The following CAST variants were observed in gnomAD, a reference collection of about 807,000 sequenced individuals.
CAST encodes the protein calpastatin, also known as MIR583 host.
In CAST, 76 loss-of-function variants were observed where a neutral mutation model predicts 119.6. The ratio of observed to expected loss-of-function variants is 0.64; its 90% CI spans 0.53 to 0.77. The LOEUF (loss-of-function observed/expected upper bound fraction) is 0.77, where lower values mean the gene tolerates loss of function less well. Ranked by LOEUF, CAST falls within the 30% of genes least tolerant of loss-of-function variation. The probability of loss-of-function intolerance (pLI) is 0.00; values close to 1 mark genes in which losing one functional copy is unlikely to be tolerated. For missense variants in CAST, 953 were observed against 946.5 expected, an observed-to-expected ratio of 1.01 and a Z score of -0.09; for synonymous variants, 319 against 331.6, an observed-to-expected ratio of 0.96 and a Z score of 0.41.
At chr5:96,014,652 G>A in the CAST span, among the ~76,000 whole-genome samples, 1 of 152,024 alleles carries the variant, frequency 6.6e-6, no homozygotes, top group African/African-American at 2.4e-5. Context: ...ATAATCTTAT[G>A]GGACACTCTC....
intron 1 of CAST, among the ~76,000 whole-genome samples, chr5:96,544,195 T>C (rs1745963870): frequency 6.6e-6 from 1 of 152,232 alleles, no homozygotes; most frequent in Non-Finnish European, 1.5e-5. Context: ...TCCATGAACA[T>C]GGACTATCTC....
At chr5:96,209,778 G>A in the CAST span, among the ~76,000 whole-genome samples, 1 of 150,610 alleles carries the variant, frequency 6.6e-6, no homozygotes, top group Non-Finnish European at 1.5e-5. Flanking sequence ...TTTTATGTCA[G>A]TCTTGGAAAA....
the CAST span, among the ~76,000 whole-genome samples, chr5:96,082,102 C>T: frequency 1.3e-5 from 2 of 152,198 alleles, no homozygotes; most frequent in East Asian, 1.9e-4. Flanking sequence ...TTAGTAGAGA[C>T]GGGGTTTCAC....
intron 27 of CAST, among the ~76,000 whole-genome samples, chr5:96,766,614 A>G (rs913082585): frequency 8.5e-5 from 13 of 152,198 alleles, no homozygotes; most frequent in Admixed American, 8.5e-4. Flanking sequence ...GAAGACAGGC[A>G]AAGCAATATT....
chr5:96,172,355 C>A, the CAST span, among the ~76,000 whole-genome samples: 1 of 152,164 alleles, frequency 6.6e-6, no homozygotes, highest in African/African-American at 2.4e-5. Flanking sequence ...TTACTTCAGC[C>A]ATCTGGATGT....
At chr5:96,670,414 T>TA (rs1465711054) in intron 1 of CAST, among the ~76,000 whole-genome samples, 1 of 152,250 alleles carries the variant, frequency 6.6e-6, no homozygotes, top group East Asian at 1.9e-4. Context: ...TAGCATTTCA[T>TA]ACTCTTTTCA....
the CAST span, among the ~76,000 whole-genome samples, chr5:96,187,202 G>A: frequency 2.6e-5 from 4 of 151,772 alleles, no homozygotes; most frequent in South Asian, 2.1e-4. Flanking sequence ...GATATCCCCC[G>A]TATCATTTTT....
intron 1 of CAST, among the ~76,000 whole-genome samples, chr5:96,651,417 C>A (rs1748093365): frequency 6.6e-6 from 1 of 152,184 alleles, no homozygotes; most frequent in South Asian, 2.1e-4. Context: ...TTGGTTGTAT[C>A]TTCTCTGCTT....
the CAST span, among the ~76,000 whole-genome samples, chr5:96,001,541 A>G: frequency 1.3e-5 from 2 of 152,226 alleles, no homozygotes; most frequent in Non-Finnish European, 2.9e-5. Context: ...CCTAAGAGAA[A>G]TAAAAGAGAA....
chr5:96,240,250 A>G, the CAST span, among the ~76,000 whole-genome samples: 1 of 152,188 alleles, frequency 6.6e-6, no homozygotes, highest in Non-Finnish European at 1.5e-5. Flanking sequence ...GCTTTCTGCT[A>G]TTAAGCTTTA....
chr5:95,980,374 G>C, the CAST span: 1 of 152,106 alleles, frequency 6.6e-6, no homozygotes, highest in Admixed American at 6.5e-5. Flanking sequence ...CCATCTTCTA[G>C]TGAATGCTGC....
At chr5:96,094,971 G>T in the CAST span, among the ~76,000 whole-genome samples, 2 of 152,078 alleles carry the variant, frequency 1.3e-5, no homozygotes, top group Non-Finnish European at 2.9e-5. Flanking sequence ...TTCTTACAAT[G>T]GCCTGCTTGC....
At chr5:96,042,973 A>C in the CAST span, among the ~76,000 whole-genome samples, 5 of 152,194 alleles carry the variant, frequency 3.3e-5, no homozygotes, top group Non-Finnish European at 1.5e-5. Flanking sequence ...AATAAACCAG[A>C]AGCCCATGGA....
At chr5:96,529,264 T>C (rs116192855), upstream of CAST, among the ~76,000 whole-genome samples, 1,544 of 152,238 alleles carry the variant, frequency 0.01, 11 homozygotes, top group Middle Eastern at 0.021. Flanking sequence ...GTTGGAGCTA[T>C]AAGCCTATAG....
chr5:95,982,839 C>G, the CAST span, among the ~76,000 whole-genome samples: 1 of 152,112 alleles, frequency 6.6e-6, no homozygotes, highest in Non-Finnish European at 1.5e-5. Context: ...AGTAGGATTA[C>G]TTTTTAAGTT....
chr5:96,565,077 GGTGTGT>G (rs61240765), intron 1 of CAST, among the ~76,000 whole-genome samples: 103 of 148,746 alleles, frequency 6.9e-4, no homozygotes, highest in Non-Finnish European at 1.4e-3. Context: ...ACATGGGAAA[GGTGTGT>G]GTGTGTGTGT....
the CAST span, among the ~76,000 whole-genome samples, chr5:96,142,537 T>G: frequency 2.2e-4 from 33 of 152,196 alleles, no homozygotes; most frequent in East Asian, 6.0e-3. Context: ...CTGGGCAGAG[T>G]GTGGAAATTT....
chr5:96,555,806 A>C (rs747860362), intron 1 of CAST, among the ~76,000 whole-genome samples: 2 of 152,246 alleles, frequency 1.3e-5, no homozygotes, highest in Non-Finnish European at 2.9e-5. Flanking sequence ...GGGGCAGGGC[A>C]TAGCCAAACA....
At chr5:96,137,813 A>G in the CAST span, among the ~76,000 whole-genome samples, 10 of 152,138 alleles carry the variant, frequency 6.6e-5, no homozygotes, top group African/African-American at 2.4e-4. Context: ...GTCTGTTCAG[A>G]TCTTTTGTCT....
Sources: gnomAD v4.1 joint callset for allele counts (sites outside exome capture counted in the v4.1 genomes callset) on GRCh38, gnomAD v4.1.1 for gene constraint, MANE v1.5 for transcripts, NCBI Gene and HGNC (gene_info 2026-07-23, HGNC 2026-07-21) for gene names.